Variants in NTM observed in about 807,000 individuals in gnomAD.
NTM encodes IgLON family member 2.
Under a neutral mutation model 42.1 loss-of-function variants are expected in NTM, and 13 were observed. The observed-to-expected ratio is 0.31, with a 90% CI of 0.20 to 0.49. NTM has a LOEUF of 0.49. Among genes scored for constraint, NTM ranks in the 20% least tolerant of loss-of-function variants. The probability of loss-of-function intolerance (pLI) is 0.99; values close to 1 mark genes in which losing one functional copy is unlikely to be tolerated. For missense variants in NTM, 373 were observed against 452.8 expected (o/e 0.82, Z 1.60); for synonymous variants, 187 against 179.2 (o/e 1.04, Z -0.35).
chr11:131,933,462 A>G (rs2058859136), intron 2 of NTM, among the ~76,000 whole-genome samples: 1 of 152,138 alleles, frequency 6.6e-6, no homozygotes, highest in South Asian at 2.1e-4. Context: ...TAAATAAGAC[A>G]TTCATTTATC....
chr11:131,537,173 T>C (rs1766527979), intron 1 of NTM: 1 of 133,024 alleles, frequency 7.5e-6, no homozygotes, highest in Admixed American at 8.1e-5. Flanking sequence ...CTTCTTCATC[T>C]AGAGTGAAGT....
chr11:131,749,975 C>T (rs1381463773), intron 1 of NTM, among the ~76,000 whole-genome samples: 1 of 152,134 alleles, frequency 6.6e-6, no homozygotes, highest in African/African-American at 2.4e-5. Context: ...TCGCATTGGG[C>T]AGAGTTCCTG....
At position 132,335,182 on chromosome 11, in the gene NTM, GCCACCACCACCA is replaced by G. The variant is rs752504731; in HGVS notation, c.*40_*51del. 1 of 1,606,320 alleles carries G rather than the reference GCCACCACCACCA, an allele frequency of 6.2e-7. No individual in the cohort carries two copies. The highest frequency in any genetic ancestry group is 1.3e-5 in the African/African-American group (1 of 74,742). ...ACTTCCCCACCCGGGAAAGGCTGCC[GCCACCACCACCA>G]CCAACACAACAGCAATGGCAACACC... On this transcript the variant is annotated 3_prime_UTR_variant, in exon 9 of 9. Transcript: ENST00000683400.
At chr11:132,074,092 T>A (rs747438659) in intron 2 of NTM, among the ~76,000 whole-genome samples, 1 of 152,182 alleles carries the variant, frequency 6.6e-6, no homozygotes, top group Non-Finnish European at 1.5e-5. Context: ...CTCAACTAAT[T>A]TTTCAGTAGG....
intron 3 of NTM, among the ~76,000 whole-genome samples, chr11:132,170,481 G>A (rs2075964342): frequency 6.6e-6 from 1 of 152,052 alleles, no homozygotes; most frequent in South Asian, 2.1e-4. Context: ...CTACCTCTTG[G>A]TTACTTCTTT....
intron 2 of NTM, among the ~76,000 whole-genome samples, chr11:132,105,622 A>C (rs758538261): frequency 5.3e-5 from 8 of 152,170 alleles, no homozygotes; most frequent in Non-Finnish European, 8.8e-5. Flanking sequence ...TTCCAGGGTC[A>C]GTATGAGACT....
At chr11:132,111,464 G>A (rs1013745790) in intron 2 of NTM, among the ~76,000 whole-genome samples, 1 of 152,084 alleles carries the variant, frequency 6.6e-6, no homozygotes, top group Non-Finnish European at 1.5e-5. Flanking sequence ...TTTTTCATAA[G>A]CCTTCATACA....
rs2095863715 is a variant in NTM at position 132,335,235 on chromosome 11, G to A, written c.*89G>A. 1.4e-6 allele frequency: 2 copies of A among 1,380,208 alleles called. No individual in the cohort carries two copies. 85.5% of individuals were successfully genotyped at this position (1,380,208 alleles called of 1,614,324 possible). A position where few individuals can be genotyped will look rare whatever the true frequency, so the allele number is the denominator to read the frequency against. On this transcript the variant is annotated 3_prime_UTR_variant, in exon 9 of 9. Coordinates refer to ENST00000683400, the MANE Select transcript of NTM (RefSeq NM_001352005.2). The stretch of plus-strand genomic sequence containing the variant: ...TGGCAACACCGACAGCAACCAATCA[G>A]ATATATACAAATGAAATTAGAAGAA...
intron 1 of NTM, among the ~76,000 whole-genome samples, chr11:131,862,195 C>T (rs942718646): frequency 2.6e-5 from 4 of 152,130 alleles, no homozygotes; most frequent in African/African-American, 9.7e-5. Context: ...GAGAGAACAG[C>T]CCTGTGGAGG....
chr11:131,601,430 A>G (rs2060476914), intron 1 of NTM, among the ~76,000 whole-genome samples: 1 of 152,250 alleles, frequency 6.6e-6, no homozygotes. Context: ...AGAGCAATTT[A>G]CATCACATCA....
Position 131,401,814 on chromosome 11 carries a change from A to ATATATATATATATATGTG in NTM, c.82+30941_82+30942insGTGTATATATATATATAT, listed in dbSNP as rs1565465210. Among the ~76,000 whole-genome samples, 185 of 27,174 alleles carry ATATATATATATATATGTG rather than the reference A, an allele frequency of 6.8e-3. 17 individuals carry two copies. The highest frequency in any genetic ancestry group is 0.012 in the South Asian group (7 of 600). 17.8% of individuals were successfully genotyped at this position (27,174 alleles called of 152,430 possible). On this transcript the variant is annotated intron_variant, in intron 1 of 8. Coordinates refer to ENST00000683400, the MANE Select transcript of NTM (RefSeq NM_001352005.2). The stretch of plus-strand genomic sequence containing the variant: ...GGCCACTGGAAATATATATATATAT[A>ATATATATATATATATGTG]TATATATATATATATATATATATAT...
chr11:131,505,609 G>C (rs754826981), intron 1 of NTM, among the ~76,000 whole-genome samples: 12 of 152,164 alleles, frequency 7.9e-5, no homozygotes, highest in Non-Finnish European at 1.5e-4. Flanking sequence ...GGCAAATCTA[G>C]GTTCTAAAAC....
chr11:131,571,201 T>A (rs191926029), intron 1 of NTM, among the ~76,000 whole-genome samples: 6 of 152,324 alleles, frequency 3.9e-5, no homozygotes, highest in African/African-American at 1.2e-4. Flanking sequence ...ATTAGGTAAC[T>A]AATTAACCAT....
intron 1 of NTM, among the ~76,000 whole-genome samples, chr11:131,594,635 G>A (rs1410741329): frequency 1.3e-5 from 2 of 152,132 alleles, no homozygotes. Context: ...CGGGGCTCAA[G>A]CCGTCCTCTT....
intron 1 of NTM, among the ~76,000 whole-genome samples, chr11:131,730,136 G>T (rs970890431): frequency 6.6e-6 from 1 of 152,168 alleles, no homozygotes; most frequent in Admixed American, 6.5e-5. Context: ...ATCCTAGTGG[G>T]TGTAAAGTGG....
chr11:131,808,353 G>A (rs377642109), intron 1 of NTM, among the ~76,000 whole-genome samples: 1 of 152,028 alleles, frequency 6.6e-6, no homozygotes, highest in African/African-American at 2.4e-5. Context: ...TCATTTGTTC[G>A]ATCAGGATTC....
intron 1 of NTM, among the ~76,000 whole-genome samples, chr11:131,590,347 T>C (rs2512873): frequency 0.15 from 22,383 of 152,100 alleles, 4,615 homozygotes; most frequent in African/African-American, 0.46. Context: ...AAGAGCTGAG[T>C]GTTCATTAGA....
chr11:131,703,473 C>T (rs1402153902), intron 1 of NTM, among the ~76,000 whole-genome samples: 1 of 152,184 alleles, frequency 6.6e-6, no homozygotes, highest in Non-Finnish European at 1.5e-5. Context: ...GGATGAAAGA[C>T]TGATGAATTT....
At chr11:132,183,342 G>A (rs1284858444) in intron 3 of NTM, among the ~76,000 whole-genome samples, 1 of 152,126 alleles carries the variant, frequency 6.6e-6, no homozygotes, top group Non-Finnish European at 1.5e-5. Flanking sequence ...GCATTTGAGG[G>A]CCTGGACTCT....
Sources: allele counts gnomAD v4.1 joint callset (sites outside exome capture counted in the v4.1 genomes callset), GRCh38; gene constraint gnomAD v4.1.1; transcripts MANE v1.5; gene names NCBI Gene and HGNC (gene_info 2026-07-23, HGNC 2026-07-21).